SLC38A1: variants seen among roughly 807,000 people sequenced by gnomAD.
SLC38A1 encodes the protein solute carrier family 38 member 1.
SLC38A1 carries 18 observed loss-of-function variants against 60.3 expected under a neutral mutation model. The observed-to-expected ratio is 0.30, with a 90% CI of 0.21 to 0.44. SLC38A1 has a LOEUF of 0.44. Among genes scored for constraint, SLC38A1 ranks in the 20% least tolerant of loss-of-function variants. The probability of loss-of-function intolerance (pLI) is 1.00; values close to 1 mark genes in which losing one functional copy is unlikely to be tolerated. For synonymous variants in SLC38A1, 196 were observed against 212.1 expected, an observed-to-expected ratio of 0.92 and a Z score of 0.66; for missense variants, 448 against 587.2, an observed-to-expected ratio of 0.76 and a Z score of 2.45.
At chr12:46,252,261 T>C (rs1349625644) in intron 1 of SLC38A1, among the ~76,000 whole-genome samples, 1 of 152,090 alleles carries the variant, frequency 6.6e-6, no homozygotes, top group Non-Finnish European at 1.5e-5. Flanking sequence ...CACTGCATGT[T>C]CTCACTCATA....
At chr12:46,245,656 A>C (rs1238577843) in intron 1 of SLC38A1, among the ~76,000 whole-genome samples, 1 of 152,160 alleles carries the variant, frequency 6.6e-6, no homozygotes, top group African/African-American at 2.4e-5. Context: ...CCTCATAAAG[A>C]CATGTGCGCT....
chr12:46,242,760 C>T (rs1339215113), intron 2 of SLC38A1, among the ~76,000 whole-genome samples: 1 of 152,246 alleles, frequency 6.6e-6, no homozygotes, highest in Admixed American at 6.5e-5. Context: ...TGTGATCATG[C>T]CACTGTGCTC....
chr12:46,231,263 A>G (rs2408495), intron 3 of SLC38A1, among the ~76,000 whole-genome samples: 79,730 of 151,862 alleles, frequency 0.53, 21,840 homozygotes, highest in East Asian at 0.71. Flanking sequence ...GGACATAGAG[A>G]GTGAAATAAT....
In SLC38A1 at chr12:46,183,479, C is replaced by A. The variant is rs968329362; in HGVS notation, c.*5491G>T. ...TAATGGTTCTTTGTTTTCTTTCCTT[C>A]AAATTTGTGCTCATAATTAATATTC... On this transcript the variant is annotated 3_prime_UTR_variant, in exon 17 of 17. Transcript: ENST00000398637. The A allele has an allele frequency of 2.6e-5, 4 of 152,168 alleles. No homozygotes were observed. The highest frequency in any genetic ancestry group is 7.2e-5 in the African/African-American group (3 of 41,442). The allele number at this position is 152,168 out of a possible 1,614,324, so 9.4% of individuals were successfully genotyped here.
Position 46,189,010 on chromosome 12 carries a change from T to C in SLC38A1, c.1424A>G (p.Tyr475Cys). 3 of 1,613,654 alleles carry C rather than the reference T, an allele frequency of 1.9e-6. No homozygotes were observed. Among genetic ancestry groups the C allele is most frequent in the Non-Finnish European group, 2.5e-6 (3 of 1,179,802 alleles). The stretch of plus-strand genomic sequence containing the variant: ...ACTACTCGATGAGCAGGCCCAGTCA[T>C]AGATGACCAAGGGAATGCTGACCAA... ...FSLVSIPLVI[Y>C]DWACSSSSDE... The change falls in exon 17 of 17, where the codon TAT becomes TGT. Residue 475 changes from tyrosine to cysteine, a missense_variant. By Grantham distance (194) the Tyr-to-Cys change is radical. Around this residue, in one of 2 missense-constraint regions of SLC38A1, gnomAD observed 346 missense variants for 497.5 expected, o/e 0.70. Coordinates refer to ENST00000398637, the MANE Select transcript of SLC38A1 (RefSeq NM_030674.4).
chr12:46,261,769 T>A (rs1446851876), intron 1 of SLC38A1, among the ~76,000 whole-genome samples: 2 of 152,240 alleles, frequency 1.3e-5, no homozygotes, highest in Non-Finnish European at 2.9e-5. Context: ...TGTTTAAGAA[T>A]TCTTGGCATG....
At chr12:46,203,634 C>T (rs570845146) in intron 11 of SLC38A1, among the ~76,000 whole-genome samples, 5 of 152,276 alleles carry the variant, frequency 3.3e-5, no homozygotes, top group East Asian at 3.9e-4. Flanking sequence ...AGAAAGATCG[C>T]GATCTATTTA....
chr12:46,198,216 G>C (rs962971547), intron 14 of SLC38A1, among the ~76,000 whole-genome samples, 156 bp from the exon 15 acceptor site: 2 of 152,254 alleles, frequency 1.3e-5, no homozygotes, highest in Admixed American at 6.5e-5. Flanking sequence ...TTGGAAGTAC[G>C]GGGGCTTGAC....
intron 13 of SLC38A1, 47 bp from the exon 14 acceptor site, chr12:46,198,790 A>T: frequency 1.8e-6 from 2 of 1,140,160 alleles, no homozygotes; most frequent in South Asian, 2.8e-5. Context: ...GACAAAGTAT[A>T]TAGCTGAATG....
intron 1 of SLC38A1, among the ~76,000 whole-genome samples, chr12:46,253,012 A>T (rs1291627929): frequency 6.6e-6 from 1 of 151,832 alleles, no homozygotes; most frequent in Non-Finnish European, 1.5e-5. Context: ...AAAAAAAAAA[A>T]AGTCTGATAC....
intron 16 of SLC38A1, among the ~76,000 whole-genome samples, chr12:46,193,882 T>C (rs1939254132): frequency 6.6e-6 from 1 of 152,238 alleles, no homozygotes; most frequent in Non-Finnish European, 1.5e-5. Flanking sequence ...CTCAACTGTT[T>C]ATCAAATTTG....
intron 1 of SLC38A1, among the ~76,000 whole-genome samples, chr12:46,265,320 C>T (rs1428769101): frequency 2.0e-5 from 3 of 152,200 alleles, no homozygotes; most frequent in African/African-American, 7.2e-5. Context: ...CACCTTCCAT[C>T]ACCTGGAGTA....
At position 46,232,893 on chromosome 12, in the gene SLC38A1, T is replaced by G. The variant is rs111518745; in HGVS notation, c.123-3254A>C. ...TTATACTATATTTTTAAATTTGCAT[T>G]TTTTAAATTGTTGTATTGTCAATTT... On this transcript the variant is annotated intron_variant, in intron 3 of 16. Coordinates refer to ENST00000398637, the MANE Select transcript of SLC38A1 (RefSeq NM_030674.4). 3.4e-3 allele frequency among the ~76,000 whole-genome samples: 525 copies of G among 152,356 alleles called. 4 individuals are homozygous for G. The highest frequency in any genetic ancestry group is 0.012 in the African/African-American group (483 of 41,562).
rs1939371115 is a variant in SLC38A1, at chr12:46,196,220, G to A, written c.1362+1500C>T. 3.3e-6 allele frequency: 5 copies of A among 1,535,960 alleles called. No homozygotes were observed. The African/African-American group carries it at 6.8e-5, about 21-fold the overall frequency. ...TCAGTGAGAGCGCTGCAGGGAGAAG[G>A]ATGATGCATTCTGAGAGCCAACAGG... is the stretch of plus-strand genomic sequence containing the variant. On this transcript the variant is annotated intron_variant, in intron 16 of 16. Transcript: ENST00000398637.
In SLC38A1 at chr12:46,197,741, A is replaced by G. The variant is rs780750803; in HGVS notation, c.1341T>C (p.Asp447=). 2 of 1,597,242 alleles carry G rather than the reference A, an allele frequency of 1.3e-6. No homozygotes were observed. Among genetic ancestry groups the G allele is most frequent in the Middle Eastern group, 3.4e-4 (2 of 5,812 alleles). ...ATACCCAAATTCTTTGAGTTCCTTT[A>G]TCTCCATCCTGGTCTGTGATTTTTA... ...LYLKITDQDG[D]KGTQRIWAAL... Residue 447 remains aspartate (D), a synonymous_variant, in exon 16 of 17, where the codon GAT becomes GAC. Transcript: ENST00000398637.
chr12:46,190,621 C>T (rs866854043), intron 16 of SLC38A1, among the ~76,000 whole-genome samples: 5 of 152,144 alleles, frequency 3.3e-5, no homozygotes, highest in Admixed American at 2.0e-4. Context: ...TTTTAATGAT[C>T]GCCATTTTAA....
chr12:46,196,712 T>C lies in SLC38A1; in HGVS notation c.1362+1008A>G, dbSNP rs145076485. Among the ~76,000 whole-genome samples, 618 of 152,228 alleles carry C rather than the reference T, an allele frequency of 4.1e-3. 14 individuals are homozygous for C. The highest frequency in any genetic ancestry group is 0.038 in the Admixed American group (579 of 15,296). On this transcript the variant is annotated intron_variant, in intron 16 of 16. Transcript: ENST00000398637. ...CTGTTGACTCAGGTAACAGGTACAA[T>C]TGCAGTGCTTACACTAGCTGGGAGG...
At chr12:46,256,301 C>T (rs1942019934) in intron 1 of SLC38A1, among the ~76,000 whole-genome samples, 2 of 151,782 alleles carry the variant, frequency 1.3e-5, no homozygotes, top group African/African-American at 2.4e-5. Flanking sequence ...TTTTATTTCC[C>T]AAAGATTACT....
chr12:46,268,605 A>G lies in SLC38A1; in HGVS notation c.-288T>C, dbSNP rs186557461. On this transcript the variant is annotated 5_prime_UTR_variant, in exon 1 of 17. Transcript: ENST00000398637. The surrounding 1 kb of genome is among the most constrained non-coding windows in gnomAD (Gnocchi z 4.4). ...CGGGGTTTTTACCCTCGGCAGTTTG[A>G]TGTCCTTTGTGTCAAGGTCTGGCTG... The G allele has an allele frequency of 1.9e-4, 36 of 191,398 alleles. No homozygotes were observed. The East Asian group carries it at 5.4e-3, about 29-fold the overall frequency. The allele number at this position is 191,398 out of a possible 1,614,324, so 11.9% of individuals were successfully genotyped here.
Sources: gnomAD v4.1 joint callset for allele counts (sites outside exome capture counted in the v4.1 genomes callset) on GRCh38, gnomAD v4.1.1 for gene constraint, gnomAD v4.1.1 regional missense constraint, Gnocchi (gnomAD v3.1) non-coding constraint, MANE v1.5 for transcripts, NCBI Gene and HGNC (gene_info 2026-07-23, HGNC 2026-07-21) for gene names.